PCDHGA1: variants seen among roughly 807,000 people sequenced by gnomAD.
The protein encoded by PCDHGA1 is protocadherin gamma-A1.
PCDHGA1 carries 32 observed loss-of-function variants against 58.0 expected under a neutral mutation model. That is an observed-to-expected ratio of 0.55 (90% CI 0.42 to 0.74). The LOEUF is 0.74. PCDHGA1 is among the 30% of genes least tolerant of loss of function. PCDHGA1 has a pLI of 0.00. For missense variants in PCDHGA1, 1,205 were observed against 1,182.3 expected (o/e 1.02, Z -0.28); for synonymous variants, 498 against 501.1 (o/e 0.99, Z 0.08).
chr5:141,460,556 T>C (rs762545295), intron 1 of PCDHGA1, among the ~76,000 whole-genome samples: 10 of 152,152 alleles, frequency 6.6e-5, no homozygotes, highest in Admixed American at 3.3e-4. Context: ...CAAAAATCAT[T>C]TGGCCATGGA....
intron 1 of PCDHGA1, among the ~76,000 whole-genome samples, chr5:141,466,506 G>A (rs1417729031): frequency 6.6e-6 from 1 of 152,156 alleles, no homozygotes; most frequent in Non-Finnish European, 1.5e-5. Context: ...GCACAGACAA[G>A]ATCATTTTTT....
intron 1 of PCDHGA1, among the ~76,000 whole-genome samples, chr5:141,347,802 G>T (rs1485611368): frequency 6.6e-6 from 1 of 150,846 alleles, no homozygotes; most frequent in Admixed American, 6.6e-5. Context: ...AAAAAAAAAA[G>T]TAGAGGCTGG....
chr5:141,366,040 C>A (rs752624619), intron 1 of PCDHGA1: 1 of 1,614,146 alleles, frequency 6.2e-7, no homozygotes, highest in African/African-American at 1.3e-5. Context: ...TCCCCACAGA[C>A]GGTTCCACGG....
intron 3 of PCDHGA1, 124 bp from the exon 4 acceptor site, chr5:141,510,823 C>A: frequency 6.4e-7 from 1 of 1,562,432 alleles, no homozygotes. Context: ...CCTATATTCC[C>A]AGTGCTCAGC....
chr5:141,403,856 T>A, intron 1 of PCDHGA1: 1 of 1,613,604 alleles, frequency 6.2e-7, no homozygotes, highest in Non-Finnish European at 8.5e-7. Context: ...TGGGGAAATA[T>A]CAACAGCAAA....
At chr5:141,399,048 G>T (rs779434482) in intron 1 of PCDHGA1, 1 of 1,613,830 alleles carries the variant, frequency 6.2e-7, no homozygotes, top group East Asian at 2.2e-5. Context: ...ATTTTGAAGA[G>T]ACCAAGGAAT....
Position 141,331,761 on chromosome 5 carries a change from C to T in PCDHGA1, c.1077C>T (p.Asn359=). 6.2e-7 allele frequency: 1 copy of T among 1,614,172 alleles called. No homozygotes were observed. Among genetic ancestry groups the T allele is most frequent in the Middle Eastern group, 1.6e-4 (1 of 6,062 alleles). ...ITSVTTAVPE[N]FPPGTIIALI... ...CTGTCACCACTGCAGTTCCAGAAAA[C>T]TTTCCTCCTGGGACCATAATTGCTC... Residue 359 remains asparagine, a synonymous_variant, in exon 1 of 4, where the codon AAC becomes AAT. Transcript: ENST00000517417.
chr5:141,345,772 G>T lies in PCDHGA1; in HGVS notation c.2421+12667G>T, dbSNP rs4042102. 129 of 1,614,082 alleles carry T rather than the reference G, an allele frequency of 8.0e-5. 1 individual carries two copies. The highest frequency in any genetic ancestry group is 5.3e-4 in the African/African-American group (40 of 75,030). ...TCCACTGGCGTGGAGCTGGCGCCTC[G>T]CTCCGCAGAGCCCGGCTACCTGGTG... On this transcript the variant is annotated intron_variant, in intron 1 of 3. Coordinates refer to ENST00000517417, the MANE Select transcript of PCDHGA1 (RefSeq NM_018912.3).
intron 3 of PCDHGA1, 61 bp downstream of exon 3, chr5:141,505,542 A>G (rs2099846540): frequency 6.2e-7 from 1 of 1,604,832 alleles, no homozygotes; most frequent in African/African-American, 1.3e-5. Context: ...GGTGCATCTC[A>G]CAGCCACCAT....
chr5:141,385,160 C>T lies in PCDHGA1; in HGVS notation c.2421+52055C>T, dbSNP rs765072883. 6.2e-6 allele frequency: 10 copies of T among 1,614,096 alleles called. No individual in the cohort carries two copies. The East Asian group carries it at 2.0e-4, about 32-fold the overall frequency. On this transcript the variant is annotated intron_variant, in intron 1 of 3. Coordinates refer to ENST00000517417, the MANE Select transcript of PCDHGA1 (RefSeq NM_018912.3). ...GTGCAGGCTTTCCTGCAGACCTATT[C>T]CCATGAGGTCTCCCTCACCGCGGAC...
intron 1 of PCDHGA1, among the ~76,000 whole-genome samples, chr5:141,397,685 G>A (rs1471845356): frequency 6.6e-6 from 1 of 152,218 alleles, no homozygotes; most frequent in Non-Finnish European, 1.5e-5. Flanking sequence ...ATGCAGGTTT[G>A]TATAAAAACC....
In PCDHGA1 at chr5:141,477,041, C is replaced by A; in HGVS notation, c.2422-17766C>A. 3 of 1,614,242 alleles carry A rather than the reference C, an allele frequency of 1.9e-6. No individual in the cohort carries two copies. Among genetic ancestry groups the A allele is most frequent in the Admixed American group, 1.7e-5 (1 of 60,036 alleles). Reference sequence around the variant, plus strand: ...AACCGGGATGCTGACAATCAAGGGTCGGCTGGACTTCGAGGACACCAAACT... The same window carrying A: ...AACCGGGATGCTGACAATCAAGGGTAGGCTGGACTTCGAGGACACCAAACT... On this transcript the variant is annotated intron_variant, in intron 1 of 3. Transcript: ENST00000517417. The surrounding 1 kb of genome is among the most constrained non-coding windows in gnomAD (Gnocchi z 4.9).
At position 141,427,408 on chromosome 5, in the gene PCDHGA1, G is replaced by C. The variant is rs975709597; in HGVS notation, c.2422-67399G>C. ...TTCAAAACACATGATAAAGATTCGA[G>C]AGAAAATGGGGAGGTTACATGCCTC... On this transcript the variant is annotated intron_variant, in intron 1 of 3. Coordinates refer to ENST00000517417, the MANE Select transcript of PCDHGA1 (RefSeq NM_018912.3). The C allele has an allele frequency of 1.3e-5, 6 of 463,300 alleles. No homozygotes were observed. In the Admixed American group the frequency reaches 1.4e-4, roughly 11 times the overall value. The allele number at this position is 463,300 out of a possible 1,614,324, so 28.7% of individuals were successfully genotyped here. A position where few individuals can be genotyped will look rare whatever the true frequency, so the allele number is the denominator to read the frequency against.
chr5:141,338,515 T>C (rs1756759379), intron 1 of PCDHGA1, among the ~76,000 whole-genome samples: 1 of 152,246 alleles, frequency 6.6e-6, no homozygotes, highest in Non-Finnish European at 1.5e-5. Context: ...AATACTTTCC[T>C]AGCAACTATT....
chr5:141,351,741 CGCGGGA>C, intron 1 of PCDHGA1: 1 of 1,613,684 alleles, frequency 6.2e-7, no homozygotes, highest in East Asian at 2.2e-5. Context: ...GACCTGGAGC[CGCGGGA>C]GCTGTTGTCC....
intron 1 of PCDHGA1, chr5:141,430,744 C>T: frequency 6.7e-7 from 1 of 1,498,404 alleles, no homozygotes; most frequent in Non-Finnish European, 8.9e-7. Flanking sequence ...GAAAATAATT[C>T]TGGAGGAAGA....
chr5:141,496,747 A>T (rs13188028), intron 2 of PCDHGA1, among the ~76,000 whole-genome samples: 1 of 152,124 alleles, frequency 6.6e-6, no homozygotes, highest in Non-Finnish European at 1.5e-5. Context: ...CATTTATTCA[A>T]CAAATATTTA....
intron 1 of PCDHGA1, among the ~76,000 whole-genome samples, chr5:141,472,039 A>T (rs913132856): frequency 1.3e-5 from 2 of 152,200 alleles, no homozygotes; most frequent in Non-Finnish European, 2.9e-5. Context: ...AGCTGTGAAA[A>T]GATTTTAAAA....
intron 1 of PCDHGA1, chr5:141,415,743 T>G (rs1317934891): frequency 9.6e-6 from 3 of 311,420 alleles, no homozygotes; most frequent in Non-Finnish European, 1.2e-5. Context: ...TATTAAGGTT[T>G]TTTTTTTTTT....
Sources: gnomAD v4.1 joint callset for allele counts (sites outside exome capture counted in the v4.1 genomes callset) on GRCh38, gnomAD v4.1.1 for gene constraint, Gnocchi (gnomAD v3.1) non-coding constraint, MANE v1.5 for transcripts, NCBI Gene and HGNC (gene_info 2026-07-23, HGNC 2026-07-21) for gene names.